Variants in THSD7A observed in about 807,000 individuals in gnomAD.
The protein encoded by THSD7A is thrombospondin type-1 domain-containing protein 7A.
Under a neutral mutation model 231.3 loss-of-function variants are expected in THSD7A, and 96 were observed. That is an observed-to-expected ratio of 0.41 (90% CI 0.35 to 0.49). THSD7A has a LOEUF of 0.49. Ranked by LOEUF, THSD7A falls within the 20% of genes least tolerant of loss-of-function variation. THSD7A has a pLI of 0.05. For synonymous variants in THSD7A, 940 were observed against 743.3 expected (o/e 1.26, Z -4.30); for missense variants, 2,290 against 2,070.2 (o/e 1.11, Z -2.06).
chr7:11,677,584 C>CA lies in THSD7A; in HGVS notation c.191-40624dup, dbSNP rs553030554. On this transcript the variant is annotated intron_variant, in intron 1 of 27. Transcript: ENST00000423059. Reference sequence around the variant, plus strand: ...GAAGATTGACCAAGCAAATGGAAAGCAAAAAAAAAAAAAAAAAAAAAAAAA... The same window carrying CA: ...GAAGATTGACCAAGCAAATGGAAAGCAAAAAAAAAAAAAAAAAAAAAAAAAA... 3.7e-3 allele frequency among the ~76,000 whole-genome samples: 82 copies of CA among 22,276 alleles called. 14 individuals are homozygous for CA. The highest frequency in any genetic ancestry group is 0.019 in the East Asian group (6 of 316). The allele number at this position is 22,276 out of a possible 152,430, so 14.6% of individuals were successfully genotyped here. A position where few individuals can be genotyped will look rare whatever the true frequency, so the allele number is the denominator to read the frequency against.
At chr7:11,798,338 G>A (rs1452464692) in intron 1 of THSD7A, among the ~76,000 whole-genome samples, 1 of 152,030 alleles carries the variant, frequency 6.6e-6, no homozygotes, top group Non-Finnish European at 1.5e-5. Flanking sequence ...AGGCATGGTG[G>A]TACATGTCTG....
At chr7:11,472,298 T>C (rs1785969261) in intron 8 of THSD7A, among the ~76,000 whole-genome samples, 1 of 152,100 alleles carries the variant, frequency 6.6e-6, no homozygotes, top group Admixed American at 6.6e-5. Flanking sequence ...TGATAGGAAC[T>C]GAAGTTTGTT....
At chr7:11,787,878 C>T (rs1268302435) in intron 1 of THSD7A, among the ~76,000 whole-genome samples, 1 of 151,968 alleles carries the variant, frequency 6.6e-6, no homozygotes, top group Non-Finnish European at 1.5e-5. Context: ...AAAGTTAATA[C>T]CCTTAACTCC....
chr7:11,386,052 T>A (rs755581954), intron 23 of THSD7A, among the ~76,000 whole-genome samples: 7 of 152,226 alleles, frequency 4.6e-5, no homozygotes, highest in Non-Finnish European at 1.0e-4. Flanking sequence ...GAACTCATCC[T>A]TTTTTATGGA....
intron 6 of THSD7A, among the ~76,000 whole-genome samples, chr7:11,519,504 C>T (rs1286927557): frequency 2.0e-5 from 3 of 152,314 alleles, no homozygotes; most frequent in South Asian, 2.1e-4. Flanking sequence ...CTGTCACTTT[C>T]ACTCCAGCAG....
In THSD7A at chr7:11,588,326, G is replaced by A. The variant is rs186743317; in HGVS notation, c.1453+2134C>T. ...AAACTAACATAGTCTAAATTTGGTG[G>A]AATAAATGCTACATTTTTAGGGAGA... On this transcript the variant is annotated intron_variant, in intron 4 of 27. Coordinates refer to ENST00000423059, the MANE Select transcript of THSD7A (RefSeq NM_015204.3). Among the ~76,000 whole-genome samples, 813 of 152,166 alleles carry A rather than the reference G, an allele frequency of 5.3e-3. 4 individuals are homozygous for A. The highest frequency in any genetic ancestry group is 9.1e-3 in the Non-Finnish European group (619 of 67,996).
At chr7:11,611,701 A>G (rs1026964291) in intron 2 of THSD7A, among the ~76,000 whole-genome samples, 1 of 151,770 alleles carries the variant, frequency 6.6e-6, no homozygotes, top group African/African-American at 2.4e-5. Context: ...TTATAAAACT[A>G]AGTAATATAT....
Position 11,390,714 on chromosome 7 carries a change from C to T in THSD7A, c.4412-8098G>A, listed in dbSNP as rs181044538. 2.6e-5 allele frequency among the ~76,000 whole-genome samples: 4 copies of T among 152,302 alleles called. No homozygotes were observed. In the East Asian group the frequency reaches 7.7e-4, roughly 29 times the overall value. On this transcript the variant is annotated intron_variant, in intron 23 of 27. Transcript: ENST00000423059. ...TTCAGCCCTTTCGAGCTAGTTTCTC[C>T]CCATCTTCGTGGATTTATCTACCAT...
chr7:11,722,091 ATGT>A (rs1476401497), intron 1 of THSD7A, among the ~76,000 whole-genome samples: 5 of 151,846 alleles, frequency 3.3e-5, no homozygotes, highest in Admixed American at 3.3e-4. Flanking sequence ...GGCTGACACC[ATGT>A]TGTTTCTAGC....
chr7:11,435,686 G>A (rs578145665), intron 13 of THSD7A, among the ~76,000 whole-genome samples: 6 of 151,560 alleles, frequency 4.0e-5, no homozygotes, highest in Admixed American at 2.0e-4. Context: ...CTGTCCTTTC[G>A]AGCTGGTTCT....
At chr7:11,820,703 C>G in intron 1 of THSD7A, 1 of 941,004 alleles carries the variant, frequency 1.1e-6, no homozygotes, top group Non-Finnish European at 1.8e-6. Flanking sequence ...TGTCTCAAAG[C>G]CCGTGGAGCT....
chr7:11,817,064 T>C (rs765126483), intron 1 of THSD7A, among the ~76,000 whole-genome samples: 4 of 152,158 alleles, frequency 2.6e-5, no homozygotes, highest in Non-Finnish European at 5.9e-5. Context: ...TGAATAGCTG[T>C]CTCTCTTTCA....
chr7:11,746,177 CT>C (rs1056017442), intron 1 of THSD7A, among the ~76,000 whole-genome samples: 1 of 151,720 alleles, frequency 6.6e-6, no homozygotes, highest in Non-Finnish European at 1.5e-5. Flanking sequence ...TGCATTTGCC[CT>C]GATATTTTGT....
intron 1 of THSD7A, among the ~76,000 whole-genome samples, chr7:11,770,798 A>C (rs940378332): frequency 6.6e-6 from 1 of 152,168 alleles, no homozygotes; most frequent in African/African-American, 2.4e-5. Flanking sequence ...TCTACTGACT[A>C]TACTGAAATA....
At chr7:11,493,282 G>A (rs970664690) in intron 6 of THSD7A, among the ~76,000 whole-genome samples, 1 of 152,050 alleles carries the variant, frequency 6.6e-6, no homozygotes, top group Non-Finnish European at 1.5e-5. Context: ...AAAAGTTGGT[G>A]AGTTTGGGAT....
At chr7:11,486,638 A>G (rs1786671187) in intron 6 of THSD7A, among the ~76,000 whole-genome samples, 1 of 152,196 alleles carries the variant, frequency 6.6e-6, no homozygotes, top group Non-Finnish European at 1.5e-5. Context: ...ACAATTTCTT[A>G]GCTAGATTTT....
intron 6 of THSD7A, among the ~76,000 whole-genome samples, chr7:11,485,189 T>G (rs1348539250): frequency 1.3e-5 from 2 of 152,064 alleles, no homozygotes; most frequent in Non-Finnish European, 2.9e-5. Context: ...GCACCCAGAC[T>G]CAACCTTCAT....
rs771245847 is a variant in THSD7A at position 11,447,233 on chromosome 7, C to T, written c.2797G>A (p.Val933Ile). ...TTGGCATCCCAATTATTCTTACCAA[C>T]AAGAGTGCGCTTTCTGGTCCTAACT... ...GAVRTRKRTL[V>I]GKSKKKEKCK... Residue 933 changes from valine to isoleucine, a missense_variant, in exon 12 of 28, where the codon GTT becomes ATT. Physicochemically the swap from Val to Ile is conservative, Grantham distance 29. Coordinates refer to ENST00000423059, the MANE Select transcript of THSD7A (RefSeq NM_015204.3). The T allele has an allele frequency of 1.2e-5, 19 of 1,612,898 alleles. No homozygotes were observed. The East Asian group carries it at 4.2e-4, about 36-fold the overall frequency.
At chr7:11,599,825 T>C (rs2128343949) in intron 2 of THSD7A, among the ~76,000 whole-genome samples, 2 of 151,808 alleles carry the variant, frequency 1.3e-5, no homozygotes, top group Middle Eastern at 6.8e-3. Flanking sequence ...CCAAAGGAGA[T>C]TAACATTTGA....
Sources: gnomAD v4.1 joint callset for allele counts (sites outside exome capture counted in the v4.1 genomes callset) on GRCh38, gnomAD v4.1.1 for gene constraint, MANE v1.5 for transcripts, NCBI Gene and HGNC (gene_info 2026-07-23, HGNC 2026-07-21) for gene names.